The following GRIP1 variants were observed in gnomAD, a reference collection of about 807,000 sequenced individuals.
GRIP1 encodes the protein glutamate receptor-interacting protein 1.
A neutral mutation model predicts 129.9 loss-of-function variants in GRIP1; 45 were observed. That is an observed-to-expected ratio of 0.35 (90% CI 0.27 to 0.44). The LOEUF (loss-of-function observed/expected upper bound fraction) is 0.44. Ranked by LOEUF, GRIP1 falls within the 20% of genes least tolerant of loss-of-function variation. The probability of loss-of-function intolerance (pLI) is 1.00; values close to 1 mark genes in which losing one functional copy is unlikely to be tolerated. For missense variants in GRIP1, 1,196 were observed against 1,396.8 expected (o/e 0.86, Z 2.29); for synonymous variants, 530 against 520.8 (o/e 1.02, Z -0.24).
rs562117736 is a variant in GRIP1, at chr12:66,651,430, C to T, written c.55+27420G>A. On this transcript the variant is annotated intron_variant, in intron 1 of 24. Coordinates refer to ENST00000359742, the MANE Select transcript of GRIP1 (RefSeq NM_001366722.1). ...GAGATACTGTGTTCTGCTCTAGGGA[C>T]TGCTTTTCTCCCGATGTCATTTAGC... Among the ~76,000 whole-genome samples, 4 of 152,356 alleles carry T rather than the reference C, an allele frequency of 2.6e-5. No homozygotes were observed. In the East Asian group the frequency reaches 7.7e-4, roughly 29 times the overall value.
chr12:67,009,069 T>C (rs1035677355), intron 1 of GRIP1, among the ~76,000 whole-genome samples: 1 of 152,154 alleles, frequency 6.6e-6, no homozygotes, highest in Non-Finnish European at 1.5e-5. Flanking sequence ...CAAAATAGGA[T>C]AGCAATGACT....
chr12:66,805,172 G>A (rs2038964183), upstream of GRIP1, among the ~76,000 whole-genome samples: 1 of 152,082 alleles, frequency 6.6e-6, no homozygotes, highest in South Asian at 2.1e-4. Flanking sequence ...AAACATGAAA[G>A]TAAATGGGCT....
chr12:66,801,035 G>A (rs1047971493), intron 1 of GRIP1, among the ~76,000 whole-genome samples: 2 of 151,990 alleles, frequency 1.3e-5, no homozygotes, highest in African/African-American at 4.8e-5. Flanking sequence ...ATATTTAGGT[G>A]ATTTCTTTTT....
At chr12:66,797,744 A>G (rs1378802820) in intron 1 of GRIP1, among the ~76,000 whole-genome samples, 4 of 152,150 alleles carry the variant, frequency 2.6e-5, no homozygotes, top group African/African-American at 9.7e-5. Flanking sequence ...GACCTTAAGG[A>G]CTGGAATTAG....
chr12:66,886,108 A>G (rs1326388950), intron 1 of GRIP1, among the ~76,000 whole-genome samples: 3 of 152,088 alleles, frequency 2.0e-5, no homozygotes, highest in African/African-American at 7.2e-5. Flanking sequence ...TACTAAAAAT[A>G]CAAACAAATT....
intron 7 of GRIP1, among the ~76,000 whole-genome samples, chr12:66,482,007 T>C (rs1202783258): frequency 6.6e-6 from 1 of 152,090 alleles, no homozygotes. Context: ...AGAAGACAGG[T>C]TGATGGGTGC....
chr12:66,840,259 C>T (rs1425303162), intron 1 of GRIP1, among the ~76,000 whole-genome samples: 1 of 152,118 alleles, frequency 6.6e-6, no homozygotes, highest in Non-Finnish European at 1.5e-5. Flanking sequence ...AAACTTGAGG[C>T]TTTCCATCTC....
chr12:66,383,746 G>A (rs535838729), intron 19 of GRIP1, among the ~76,000 whole-genome samples: 4 of 152,236 alleles, frequency 2.6e-5, no homozygotes, highest in South Asian at 2.1e-4. Flanking sequence ...TCTCTTCTTC[G>A]TCCTTAGTAC....
At chr12:66,993,608 T>C (rs2042425291) in intron 1 of GRIP1, among the ~76,000 whole-genome samples, 1 of 151,846 alleles carries the variant, frequency 6.6e-6, no homozygotes, top group Admixed American at 6.6e-5. Flanking sequence ...CTGGCCAACA[T>C]GGTGAAACCC....
At chr12:66,966,135 T>C (rs1046321754) in intron 1 of GRIP1, among the ~76,000 whole-genome samples, 1 of 152,126 alleles carries the variant, frequency 6.6e-6, no homozygotes, top group Non-Finnish European at 1.5e-5. Context: ...CATATATTTA[T>C]AAGGAGAAAT....
At chr12:66,381,103 C>G (rs938813856) in intron 19 of GRIP1, among the ~76,000 whole-genome samples, 1 of 152,178 alleles carries the variant, frequency 6.6e-6, no homozygotes, top group Non-Finnish European at 1.5e-5. Context: ...AAGGATAATA[C>G]TCTCTGATCA....
intron 1 of GRIP1, among the ~76,000 whole-genome samples, chr12:67,067,115 A>G (rs2043643719): frequency 6.6e-6 from 1 of 152,094 alleles, no homozygotes; most frequent in Admixed American, 6.6e-5. Context: ...AAAGGCAAAA[A>G]GTAACAAACA....
At chr12:66,993,693 A>C (rs1175029046) in intron 1 of GRIP1, among the ~76,000 whole-genome samples, 1 of 151,448 alleles carries the variant, frequency 6.6e-6, no homozygotes, top group East Asian at 1.9e-4. Flanking sequence ...CGGGAGGCTG[A>C]GCCAAGAGAA....
At chr12:66,831,074 G>A (rs1419292574) in intron 1 of GRIP1, among the ~76,000 whole-genome samples, 1 of 151,906 alleles carries the variant, frequency 6.6e-6, no homozygotes, top group Non-Finnish European at 1.5e-5. Context: ...GGCTGGTCTC[G>A]AACTCTTGGG....
At chr12:66,844,286 A>G (rs747841382) in intron 1 of GRIP1, among the ~76,000 whole-genome samples, 1 of 152,184 alleles carries the variant, frequency 6.6e-6, no homozygotes, top group African/African-American at 2.4e-5. Context: ...TGGGCAAAAG[A>G]CTTGAATAGA....
chr12:66,956,826 T>C (rs1363541981), intron 1 of GRIP1, among the ~76,000 whole-genome samples: 1 of 152,178 alleles, frequency 6.6e-6, no homozygotes, highest in Non-Finnish European at 1.5e-5. Flanking sequence ...TACAGAGCTG[T>C]GCAATATGTG....
chr12:66,940,787 T>C (rs1408762914), intron 1 of GRIP1, among the ~76,000 whole-genome samples: 1 of 152,216 alleles, frequency 6.6e-6, no homozygotes, highest in Non-Finnish European at 1.5e-5. Flanking sequence ...TAATGGTTCA[T>C]AAATTTCGCC....
At chr12:66,390,551 A>G (rs1393704433) in intron 19 of GRIP1, among the ~76,000 whole-genome samples, 1 of 152,178 alleles carries the variant, frequency 6.6e-6, no homozygotes, top group African/African-American at 2.4e-5. Context: ...GGCAGGTCCT[A>G]TATTCAGTTT....
chr12:66,394,423 T>C, intron 16 of GRIP1, 71 bp from the exon 17 acceptor site: 2 of 1,257,674 alleles, frequency 1.6e-6, no homozygotes, highest in Non-Finnish European at 1.2e-6. Context: ...CATAGATTCA[T>C]ACATAAAAGA....
Sources: allele counts gnomAD v4.1 joint callset (sites outside exome capture counted in the v4.1 genomes callset), GRCh38; gene constraint gnomAD v4.1.1; transcripts MANE v1.5; gene names NCBI Gene and HGNC (gene_info 2026-07-23, HGNC 2026-07-21).